RAB38: variants seen among roughly 807,000 people sequenced by gnomAD.
RAB38 encodes RAB38, member RAS oncogene family, also known as ras-related protein Rab-38.
RAB38 carries 15 observed loss-of-function variants against 18.4 expected under a neutral mutation model. The ratio of observed to expected loss-of-function variants is 0.82; its 90% CI spans 0.55 to 1.26. The LOEUF (loss-of-function observed/expected upper bound fraction) is 1.26, where lower values mean the gene tolerates loss of function less well. Ranked by LOEUF, RAB38 falls within the 50% of genes most tolerant of loss-of-function variation. The probability of loss-of-function intolerance (pLI) is 0.00; values close to 1 mark genes in which losing one functional copy is unlikely to be tolerated. For synonymous variants in RAB38, 101 were observed against 104.4 expected, an observed-to-expected ratio of 0.97 and a Z score of 0.20; for missense variants, 294 against 267.4, an observed-to-expected ratio of 1.10 and a Z score of -0.69.
the RAB38 span, among the ~76,000 whole-genome samples, chr11:88,049,151 A>G: frequency 6.6e-6 from 1 of 151,132 alleles, no homozygotes; most frequent in African/African-American, 2.4e-5. Context: ...TCTCCATACC[A>G]CCCCAAAAAA....
At chr11:87,890,204 C>T in the RAB38 span, among the ~76,000 whole-genome samples, 3 of 151,730 alleles carry the variant, frequency 2.0e-5, no homozygotes, top group African/African-American at 7.3e-5. Flanking sequence ...GGCGGGAAAA[C>T]AATTCAGTGA....
the RAB38 span, among the ~76,000 whole-genome samples, chr11:87,947,244 T>A: frequency 6.6e-6 from 1 of 151,982 alleles, no homozygotes; most frequent in Non-Finnish European, 1.5e-5. Flanking sequence ...GGTTGTTTTT[T>A]TTCTTGTAAA....
At chr11:87,925,162 A>G in the RAB38 span, among the ~76,000 whole-genome samples, 54 of 152,184 alleles carry the variant, frequency 3.5e-4, no homozygotes, top group African/African-American at 1.2e-3. Flanking sequence ...ACCAAACCTG[A>G]CTTCACTATT....
the RAB38 span, among the ~76,000 whole-genome samples, chr11:87,893,567 T>C: frequency 1.7e-4 from 26 of 151,328 alleles, no homozygotes. Context: ...TTTAAGCATA[T>C]GGTTCAGTAG....
At chr11:88,052,716 A>G in the RAB38 span, among the ~76,000 whole-genome samples, 1 of 151,472 alleles carries the variant, frequency 6.6e-6, no homozygotes, top group African/African-American at 2.4e-5. Context: ...CTGTTTTCTA[A>G]TAGATGAAAA....
At chr11:87,862,724 A>G in the RAB38 span, among the ~76,000 whole-genome samples, 1 of 151,876 alleles carries the variant, frequency 6.6e-6, no homozygotes, top group Non-Finnish European at 1.5e-5. Context: ...ATGTGCAAGG[A>G]TTCAGTATAT....
the RAB38 span, among the ~76,000 whole-genome samples, chr11:87,888,758 A>G: frequency 1.3e-5 from 2 of 151,920 alleles, no homozygotes; most frequent in Admixed American, 1.3e-4. Context: ...TACATCAAGG[A>G]TTATTTTATC....
At chr11:88,030,372 T>C in the RAB38 span, among the ~76,000 whole-genome samples, 11 of 151,836 alleles carry the variant, frequency 7.2e-5, no homozygotes, top group African/African-American at 1.9e-4. Context: ...AAGAAATAAC[T>C]AAAATCAGAG....
At chr11:87,932,472 G>A in the RAB38 span, among the ~76,000 whole-genome samples, 1 of 151,992 alleles carries the variant, frequency 6.6e-6, no homozygotes, top group Admixed American at 6.6e-5. Context: ...TGCATGCTTA[G>A]TTCTCTATAA....
chr11:87,909,482 A>G, the RAB38 span, among the ~76,000 whole-genome samples: 13 of 152,088 alleles, frequency 8.5e-5, no homozygotes, highest in African/African-American at 3.1e-4. Context: ...CTTTTAAACA[A>G]TCTTGTTAAG....
the RAB38 span, among the ~76,000 whole-genome samples, chr11:88,039,028 C>A: frequency 6.6e-6 from 1 of 152,062 alleles, no homozygotes; most frequent in Non-Finnish European, 1.5e-5. Context: ...AATGAGGAAT[C>A]AAAGAAGCAA....
At chr11:87,865,186 G>A in the RAB38 span, among the ~76,000 whole-genome samples, 9 of 151,578 alleles carry the variant, frequency 5.9e-5, no homozygotes, top group East Asian at 3.9e-4. Flanking sequence ...AACATCCCCC[G>A]AAGATGTCCA....
chr11:87,882,899 T>A, the RAB38 span, among the ~76,000 whole-genome samples: 1 of 151,940 alleles, frequency 6.6e-6, no homozygotes, highest in Non-Finnish European at 1.5e-5. Context: ...TGGCTGAGAT[T>A]AAAATAGAAT....
the RAB38 span, among the ~76,000 whole-genome samples, chr11:87,968,735 T>C: frequency 6.6e-6 from 1 of 152,102 alleles, no homozygotes; most frequent in African/African-American, 2.4e-5. Context: ...CTAACACAAG[T>C]TTCTTATTTT....
At chr11:87,942,394 T>C in the RAB38 span, among the ~76,000 whole-genome samples, 1 of 152,102 alleles carries the variant, frequency 6.6e-6, no homozygotes, top group African/African-American at 2.4e-5. Flanking sequence ...TCCTCCCTGA[T>C]GAATTCTAGG....
the RAB38 span, among the ~76,000 whole-genome samples, chr11:87,867,405 A>G: frequency 4.0e-5 from 6 of 151,790 alleles, no homozygotes; most frequent in African/African-American, 1.4e-4. Flanking sequence ...ATCCATTGTA[A>G]TGGGAGAGTC....
the RAB38 span, among the ~76,000 whole-genome samples, chr11:88,092,811 C>T: frequency 3.3e-5 from 5 of 151,860 alleles, no homozygotes; most frequent in African/African-American, 9.6e-5. Flanking sequence ...ATTTGAAAGA[C>T]TCTATTCAGA....
chr11:87,809,732 A>T, the RAB38 span, among the ~76,000 whole-genome samples: 33 of 152,204 alleles, frequency 2.2e-4, no homozygotes, highest in Non-Finnish European at 3.5e-4. Flanking sequence ...TTTATTCACA[A>T]AGCTAGTTTT....
chr11:87,864,427 G>A, the RAB38 span, among the ~76,000 whole-genome samples: 1 of 151,288 alleles, frequency 6.6e-6, no homozygotes, highest in Non-Finnish European at 1.5e-5. Flanking sequence ...AGCAGTAGTA[G>A]TAGCAGTATT....
Sources: gnomAD v4.1 joint callset for allele counts (sites outside exome capture counted in the v4.1 genomes callset) on GRCh38, gnomAD v4.1.1 for gene constraint, MANE v1.5 for transcripts, NCBI Gene and HGNC (gene_info 2026-07-23, HGNC 2026-07-21) for gene names.